The following CSMD3 variants were observed in gnomAD, a reference collection of about 807,000 sequenced individuals.
The protein encoded by CSMD3 is CUB and Sushi multiple domains 3.
A neutral mutation model predicts 435.2 loss-of-function variants in CSMD3; 177 were observed. That is an observed-to-expected ratio of 0.41 (90% CI 0.36 to 0.46). The LOEUF (loss-of-function observed/expected upper bound fraction) is 0.46, where lower values mean the gene tolerates loss of function less well. Among genes scored for constraint, CSMD3 ranks in the 20% least tolerant of loss-of-function variants. CSMD3 has a pLI of 0.34. For missense variants in CSMD3, 4,265 were observed against 4,504.6 expected (o/e 0.95, Z 1.52); for synonymous variants, 1,656 against 1,520.5 (o/e 1.09, Z -2.07).
chr8:113,315,908 G>A (rs1472698662), intron 1 of CSMD3, among the ~76,000 whole-genome samples: 3 of 151,646 alleles, frequency 2.0e-5, no homozygotes, highest in East Asian at 1.9e-4. Flanking sequence ...TAGTTGAGAC[G>A]GGGTTTCACC....
intron 6 of CSMD3, 113 bp from the exon 7 acceptor site, chr8:112,976,261 T>C (rs1397675770): frequency 8.0e-7 from 1 of 1,254,248 alleles, no homozygotes; most frequent in Non-Finnish European, 1.1e-6. Context: ...ATAATCAACA[T>C]GAAGAGGCAA....
intron 10 of CSMD3, among the ~76,000 whole-genome samples, chr8:112,899,662 TACACACACACACAC>T (rs60352918): frequency 1.6e-5 from 2 of 121,690 alleles, no homozygotes; most frequent in African/African-American, 3.0e-5. Flanking sequence ...CGCAAATACA[TACACACACACACAC>T]ACACACACAC....
At chr8:112,460,914 CA>C (rs1208760720) in intron 32 of CSMD3, among the ~76,000 whole-genome samples, 3 of 152,108 alleles carry the variant, frequency 2.0e-5, no homozygotes, top group African/African-American at 7.2e-5. Flanking sequence ...AGACTGGAAT[CA>C]CAGATTTTTA....
At chr8:113,361,243 C>T (rs187778283) in intron 1 of CSMD3, among the ~76,000 whole-genome samples, 1 of 152,192 alleles carries the variant, frequency 6.6e-6, no homozygotes, top group Admixed American at 6.5e-5. Flanking sequence ...ACTGATGTTA[C>T]ACTTTTGCAT....
At chr8:113,318,179 C>T (rs542333818) in intron 1 of CSMD3, among the ~76,000 whole-genome samples, 40 of 152,204 alleles carry the variant, frequency 2.6e-4, no homozygotes, top group South Asian at 6.2e-4. Flanking sequence ...TGAAACCATA[C>T]TTAATAAATA....
chr8:113,110,484 A>G (rs2090605723), intron 4 of CSMD3, among the ~76,000 whole-genome samples: 1 of 152,196 alleles, frequency 6.6e-6, no homozygotes. Context: ...CTTTATAACA[A>G]GGATCACCTT....
intron 35 of CSMD3, among the ~76,000 whole-genome samples, chr8:112,403,135 A>G (rs1831482037): frequency 6.6e-6 from 1 of 152,192 alleles, no homozygotes; most frequent in African/African-American, 2.4e-5. Context: ...AGAGTCAGCA[A>G]TTCTGCACAA....
At chr8:112,506,222 C>A (rs1045940168) in intron 29 of CSMD3, among the ~76,000 whole-genome samples, 2 of 152,006 alleles carry the variant, frequency 1.3e-5, no homozygotes, top group Admixed American at 6.6e-5. Flanking sequence ...TTAGGAAAAA[C>A]AAACTGGCCT....
rs2092241254 is a variant in CSMD3 at position 113,170,144 on chromosome 8, C to T, written c.709+3578G>A. ...AGCAATGAGTAGATCATTACAGAGT[C>T]ATCAGCCCCCTGCAAAGTTATAAAT... On this transcript the variant is annotated intron_variant, in intron 4 of 70. Transcript: ENST00000297405. 3.3e-5 allele frequency among the ~76,000 whole-genome samples: 5 copies of T among 152,158 alleles called. No homozygotes were observed. The South Asian group carries it at 1.0e-3, about 31-fold the overall frequency.
At chr8:112,350,981 T>A (rs562506500) in intron 40 of CSMD3, among the ~76,000 whole-genome samples, 194 bp downstream of exon 40, 1 of 151,674 alleles carries the variant, frequency 6.6e-6, no homozygotes, top group Non-Finnish European at 1.5e-5. Flanking sequence ...AATTTTAAAT[T>A]AAAAAAAAGA....
intron 3 of CSMD3, among the ~76,000 whole-genome samples, chr8:113,238,295 G>C (rs2093173056): frequency 6.6e-6 from 1 of 152,098 alleles, no homozygotes; most frequent in Non-Finnish European, 1.5e-5. Context: ...TGAATGAAAG[G>C]TGCAGTGGGG....
intron 16 of CSMD3, among the ~76,000 whole-genome samples, chr8:112,678,918 T>C (rs1288329808): frequency 6.6e-6 from 1 of 151,908 alleles, no homozygotes; most frequent in Admixed American, 6.6e-5. Flanking sequence ...GAGGCTGCGA[T>C]AGTGCCCCAA....
chr8:112,370,850 G>A (rs576113166), intron 38 of CSMD3, among the ~76,000 whole-genome samples: 58 of 152,246 alleles, frequency 3.8e-4, no homozygotes, highest in African/African-American at 1.4e-3. Flanking sequence ...AAAGTATATT[G>A]CCTCTTTGGT....
chr8:112,417,800 A>G (rs1008392935), intron 32 of CSMD3, among the ~76,000 whole-genome samples: 1 of 152,122 alleles, frequency 6.6e-6, no homozygotes, highest in Non-Finnish European at 1.5e-5. Flanking sequence ...TACTCCCTCA[A>G]TCTTAATTCC....
chr8:112,829,912 C>T (rs1263436300), intron 11 of CSMD3, 123 bp from the exon 12 acceptor site: 3 of 641,034 alleles, frequency 4.7e-6, no homozygotes, highest in African/African-American at 3.9e-5. Flanking sequence ...CACACACACA[C>T]ACACACACAC....
intron 22 of CSMD3, among the ~76,000 whole-genome samples, chr8:112,633,616 G>T (rs1027497693): frequency 2.0e-5 from 3 of 151,926 alleles, no homozygotes; most frequent in African/African-American, 7.2e-5. Context: ...GTAGGAAATT[G>T]TTTAAAGAAA....
chr8:112,523,328 T>C (rs548891326), intron 27 of CSMD3, among the ~76,000 whole-genome samples: 2 of 152,142 alleles, frequency 1.3e-5, no homozygotes, highest in South Asian at 4.1e-4. Flanking sequence ...GACAAAATAT[T>C]AAATTTTTAT....
chr8:112,518,076 G>A (rs906089500), intron 27 of CSMD3, among the ~76,000 whole-genome samples: 2 of 152,082 alleles, frequency 1.3e-5, no homozygotes, highest in African/African-American at 4.8e-5. Context: ...ATATTACTCA[G>A]TAATAAAAAA....
chr8:112,311,322 C>T (rs547237419), intron 49 of CSMD3, among the ~76,000 whole-genome samples, 156 bp from the exon 50 acceptor site: 2 of 152,306 alleles, frequency 1.3e-5, no homozygotes, highest in Non-Finnish European at 2.9e-5. Context: ...GCTCTTTCCT[C>T]TTTTGAAAAT....
Sources: allele counts gnomAD v4.1 joint callset (sites outside exome capture counted in the v4.1 genomes callset), GRCh38; gene constraint gnomAD v4.1.1; transcripts MANE v1.5; gene names NCBI Gene and HGNC (gene_info 2026-07-23, HGNC 2026-07-21).